Variants in LNPEP observed in about 807,000 individuals in gnomAD.
The protein encoded by LNPEP is leucyl and cystinyl aminopeptidase, also known as leucyl-cystinyl aminopeptidase.
In LNPEP, 64 loss-of-function variants were observed where a neutral mutation model predicts 120.6. That is an observed-to-expected ratio of 0.53 (90% CI 0.43 to 0.65). The LOEUF (loss-of-function observed/expected upper bound fraction) is 0.65. Among genes scored for constraint, LNPEP ranks in the 30% least tolerant of loss-of-function variants. LNPEP has a pLI of 0.00. For missense variants in LNPEP, 1,057 were observed against 1,200.0 expected (o/e 0.88, Z 1.76); for synonymous variants, 435 against 425.4 (o/e 1.02, Z -0.28).
intron 4 of LNPEP, among the ~76,000 whole-genome samples, chr5:96,987,750 A>G (rs999810141): frequency 1.3e-5 from 2 of 152,208 alleles, no homozygotes; most frequent in African/African-American, 4.8e-5. Context: ...CTTTGGATTG[A>G]AAGACTTTAT....
intron 1 of LNPEP, among the ~76,000 whole-genome samples, chr5:96,938,836 G>T (rs1485005327): frequency 6.6e-6 from 1 of 152,144 alleles, no homozygotes; most frequent in Non-Finnish European, 1.5e-5. Context: ...TTGAAGTCTG[G>T]ACATCTGGTC....
At chr5:96,978,518 C>G (rs1206970872) in intron 1 of LNPEP, among the ~76,000 whole-genome samples, 1 of 152,182 alleles carries the variant, frequency 6.6e-6, no homozygotes, top group African/African-American at 2.4e-5. Context: ...CAGAAACATT[C>G]CTCTTTCAGG....
intron 1 of LNPEP, among the ~76,000 whole-genome samples, chr5:96,946,402 A>C (rs1172156822): frequency 6.6e-6 from 1 of 152,246 alleles, no homozygotes; most frequent in African/African-American, 2.4e-5. Context: ...GGATTAGATA[A>C]TAGAGCATGT....
chr5:96,973,357 T>C (rs1233092368), intron 1 of LNPEP, among the ~76,000 whole-genome samples: 1 of 152,134 alleles, frequency 6.6e-6, no homozygotes, highest in African/African-American at 2.4e-5. Context: ...AGAATTTTTT[T>C]TGATAGAAGA....
chr5:96,998,045 C>T lies in LNPEP; in HGVS notation c.1553C>T (p.Thr518Ile). 4.4e-6 allele frequency: 7 copies of T among 1,581,042 alleles called. No individual in the cohort carries two copies. Among genetic ancestry groups the T allele is most frequent in the Non-Finnish European group, 6.1e-6 (7 of 1,156,018 alleles). Residue 518 changes from threonine to isoleucine, a missense_variant, in exon 8 of 18, where the codon ACC (threonine) becomes ATC (isoleucine). Thr to Ile is a moderately conservative substitution (Grantham distance 89). Coordinates refer to ENST00000231368, the MANE Select transcript of LNPEP (RefSeq NM_005575.3). ...YEDFLDARFKTMKKDSLNSSH... is the reference protein window; with the variant it reads ...YEDFLDARFKIMKKDSLNSSH... ...GATTTCTTAGATGCTCGATTTAAAACCATGAAGAAAGATTCCTTAAATTCA... is the reference window on the plus strand; with the variant it reads ...GATTTCTTAGATGCTCGATTTAAAATCATGAAGAAAGATTCCTTAAATTCA...
At chr5:96,939,096 G>A (rs1258889004) in intron 1 of LNPEP, among the ~76,000 whole-genome samples, 1 of 151,898 alleles carries the variant, frequency 6.6e-6, no homozygotes, top group Non-Finnish European at 1.5e-5. Flanking sequence ...TGCAGGGTTG[G>A]TATATTTTGT....
At position 96,936,413 on chromosome 5, in the gene LNPEP, G is replaced by C. The variant is rs1444824192; in HGVS notation, c.19+239G>C. On this transcript the variant is annotated intron_variant, in intron 1 of 17. Coordinates refer to ENST00000231368, the MANE Select transcript of LNPEP (RefSeq NM_005575.3). Reference sequence around the variant, plus strand: ...TCAGCGCCGCCGCCGCTCGCCCGGGGTGCGGCCGGTGGGCAAACAGCAAAG... The same window carrying C: ...TCAGCGCCGCCGCCGCTCGCCCGGGCTGCGGCCGGTGGGCAAACAGCAAAG... 6 of 401,544 alleles carry C rather than the reference G, an allele frequency of 1.5e-5. No individual in the cohort carries two copies. The East Asian group carries it at 2.2e-4, about 15-fold the overall frequency. The allele number at this position is 401,544 out of a possible 1,614,324, so 24.9% of individuals were successfully genotyped here.
chr5:96,956,729 C>T (rs182327761), intron 1 of LNPEP, among the ~76,000 whole-genome samples: 1 of 152,240 alleles, frequency 6.6e-6, no homozygotes, highest in African/African-American at 2.4e-5. Context: ...TTTTCTGCCC[C>T]AATATTTTTC....
At chr5:97,024,239 G>C (rs17531248) in intron 14 of LNPEP, among the ~76,000 whole-genome samples, 23,615 of 152,184 alleles carry the variant, frequency 0.16, 2,330 homozygotes, top group Non-Finnish European at 0.23. Context: ...GTTCTCAGAG[G>C]ACAGAGGCTC....
At chr5:96,989,786 A>G (rs1261470661) in intron 4 of LNPEP, among the ~76,000 whole-genome samples, 2 of 152,196 alleles carry the variant, frequency 1.3e-5, no homozygotes, top group African/African-American at 4.8e-5. Context: ...ATCTCTCGTA[A>G]GAACTCATTA....
At chr5:96,949,283 G>A (rs1211970534) in intron 1 of LNPEP, among the ~76,000 whole-genome samples, 1 of 152,268 alleles carries the variant, frequency 6.6e-6, no homozygotes, top group Non-Finnish European at 1.5e-5. Flanking sequence ...GAGGTGAGCA[G>A]TGGGCAAGTG....
At chr5:96,972,716 A>G (rs1298307290) in intron 1 of LNPEP, among the ~76,000 whole-genome samples, 1 of 152,038 alleles carries the variant, frequency 6.6e-6, no homozygotes, top group Non-Finnish European at 1.5e-5. Context: ...TGTTTTGTCT[A>G]GTTTAATAGT....
chr5:96,944,126 T>C (rs998466392), intron 1 of LNPEP, among the ~76,000 whole-genome samples: 1 of 152,194 alleles, frequency 6.6e-6, no homozygotes, highest in Non-Finnish European at 1.5e-5. Context: ...TTCAGTGCCA[T>C]AGAGAAAATT....
At chr5:97,024,777 C>G in intron 15 of LNPEP, 95 bp downstream of exon 15, 1 of 1,154,560 alleles carries the variant, frequency 8.7e-7, no homozygotes, top group East Asian at 2.4e-5. Flanking sequence ...GATCTCTTTT[C>G]CCCACTTCTG....
At position 97,030,727 on chromosome 5, in the gene LNPEP, T is replaced by G. The variant is rs958663130; in HGVS notation, c.*2194T>G. On this transcript the variant is annotated 3_prime_UTR_variant, in exon 18 of 18. Transcript: ENST00000231368. ...ATCAAAACTTGGCCTGAAAAAGAGATAACTCATGATCCATTGCTATCTTTA... is the reference window on the plus strand; with the variant it reads ...ATCAAAACTTGGCCTGAAAAAGAGAGAACTCATGATCCATTGCTATCTTTA... 6.6e-6 allele frequency: 1 copy of G among 151,360 alleles called. No individual in the cohort carries two copies. The highest frequency in any genetic ancestry group is 1.9e-4 in the East Asian group (1 of 5,176). The allele number at this position is 151,360 out of a possible 1,614,324, so 9.4% of individuals were successfully genotyped here. A position where few individuals can be genotyped will look rare whatever the true frequency, so the allele number is the denominator to read the frequency against.
rs1388600074 is a variant in LNPEP, at chr5:97,022,484, G to T, written c.2561G>T (p.Ser854Ile). ...TGGATGGCATCCAATGGAACTCAAAGGTGAAGTATACCTCTACTCAGATGA... is the reference window on the plus strand; with the variant it reads ...TGGATGGCATCCAATGGAACTCAAATGTGAAGTATACCTCTACTCAGATGA... Reference protein sequence around the residue: ...DDWMASNGTQSLPTDVMTTVF... With the variant: ...DDWMASNGTQILPTDVMTTVF... Residue 854 changes from serine (S) to isoleucine (I), a missense_variant and splice_region_variant, in exon 14 of 18, where the codon AGC (serine) becomes ATC (isoleucine). Ser to Ile is a moderately radical substitution (Grantham distance 142, BLOSUM62 -2). Coordinates refer to ENST00000231368, the MANE Select transcript of LNPEP (RefSeq NM_005575.3). 1 of 1,608,642 alleles carries T rather than the reference G, an allele frequency of 6.2e-7. No homozygotes were observed. The highest frequency in any genetic ancestry group is 1.7e-5 in the Admixed American group (1 of 59,974).
rs138007708 is a variant in LNPEP, at chr5:96,979,367, T to C, written c.249T>C (p.Asn83=). 25 of 1,613,974 alleles carry C rather than the reference T, an allele frequency of 1.5e-5. No homozygotes were observed. The East Asian group carries it at 3.8e-4, about 24-fold the overall frequency. The stretch of plus-strand genomic sequence containing the variant: ...AGCTGCTGGGCATGTCCTTCATGAA[T>C]AGAAGCTCAGGCCTTCGGAACAGTG... The part of the protein sequence containing the change: ...SAKLLGMSFM[N]RSSGLRNSAT... The change falls in exon 2 of 18, where the codon AAT becomes AAC. Residue 83 remains asparagine (N), a synonymous_variant. Coordinates refer to ENST00000231368, the MANE Select transcript of LNPEP (RefSeq NM_005575.3).
chr5:96,962,891 G>T (rs909736814), intron 1 of LNPEP: 6 of 151,898 alleles, frequency 4.0e-5, no homozygotes, highest in Non-Finnish European at 7.4e-5. Context: ...GATGAACTTG[G>T]TTTTACTTTT....
intron 1 of LNPEP, among the ~76,000 whole-genome samples, chr5:96,964,098 A>G (rs185318239): frequency 6.7e-6 from 1 of 150,156 alleles, no homozygotes; most frequent in Non-Finnish European, 1.5e-5. Flanking sequence ...CTGCTCTTCT[A>G]TGATTGATAT....
Sources: gnomAD v4.1 joint callset for allele counts (sites outside exome capture counted in the v4.1 genomes callset) on GRCh38, gnomAD v4.1.1 for gene constraint, MANE v1.5 for transcripts, NCBI Gene and HGNC (gene_info 2026-07-23, HGNC 2026-07-21) for gene names.